LEPR: variants seen among roughly 807,000 people sequenced by gnomAD.
The protein encoded by LEPR is OB receptor.
In LEPR, 56 loss-of-function variants were observed where a neutral mutation model predicts 114.7. The observed-to-expected ratio is 0.49, with a 90% CI of 0.39 to 0.61. The LOEUF is 0.61. Ranked by LOEUF, LEPR falls within the 20% of genes least tolerant of loss-of-function variation. LEPR has a pLI of 0.00. For missense variants in LEPR, 1,202 were observed against 1,352.9 expected (o/e 0.89, Z 1.75); for synonymous variants, 443 against 461.4 (o/e 0.96, Z 0.51).
chr1:65,552,458 A>T (rs1224317661), intron 2 of LEPR, among the ~76,000 whole-genome samples: 1 of 152,052 alleles, frequency 6.6e-6, no homozygotes, highest in Admixed American at 6.6e-5. Flanking sequence ...CCATTATGTC[A>T]TGCTCTTTTT....
intron 16 of LEPR, among the ~76,000 whole-genome samples, chr1:65,618,347 G>A (rs991644401): frequency 1.5e-5 from 2 of 134,722 alleles, no homozygotes; most frequent in Non-Finnish European, 3.2e-5. Flanking sequence ...TTTCTTTTCG[G>A]CAGGGTCTCT....
At chr1:65,623,134 G>A (rs1657985532) in intron 19 of LEPR, 153 bp downstream of exon 19, 2 of 759,980 alleles carry the variant, frequency 2.6e-6, no homozygotes, top group African/African-American at 3.5e-5. Context: ...TTCAAGAATA[G>A]CAGGATGCAG....
At chr1:65,475,503 G>C (rs1025561723) in intron 2 of LEPR, among the ~76,000 whole-genome samples, 4 of 152,126 alleles carry the variant, frequency 2.6e-5, no homozygotes, top group Admixed American at 6.6e-5. Context: ...TCCCTTCCAC[G>C]TAGAACCCTG....
At chr1:65,475,532 C>T (rs1302719905) in intron 2 of LEPR, among the ~76,000 whole-genome samples, 1 of 152,166 alleles carries the variant, frequency 6.6e-6, no homozygotes, top group Non-Finnish European at 1.5e-5. Context: ...TGGTCCCTGA[C>T]CTTTTCAAGA....
chr1:65,569,912 T>A (rs1422765661), intron 3 of LEPR, among the ~76,000 whole-genome samples: 2 of 151,724 alleles, frequency 1.3e-5, no homozygotes, highest in African/African-American at 4.8e-5. Context: ...ATGTTTTGTA[T>A]TTGGAGGATC....
chr1:65,622,401 C>A (rs10889570), intron 18 of LEPR, among the ~76,000 whole-genome samples: 1 of 151,850 alleles, frequency 6.6e-6, no homozygotes, highest in Admixed American at 6.6e-5. Context: ...CAGGCAAATG[C>A]CTGAGTTCCG....
At chr1:65,613,567 C>G (rs1205693750) in intron 14 of LEPR, among the ~76,000 whole-genome samples, 2 of 103,952 alleles carry the variant, frequency 1.9e-5, no homozygotes, top group African/African-American at 6.5e-5. Context: ...TCCTGGCTAA[C>G]AAGGTGAAAC....
chr1:65,466,617 G>A (rs553409282), intron 2 of LEPR, among the ~76,000 whole-genome samples: 1 of 152,294 alleles, frequency 6.6e-6, no homozygotes, highest in Admixed American at 6.5e-5. Context: ...ATCCTGAAGA[G>A]TGTTTTCCAA....
intron 2 of LEPR, among the ~76,000 whole-genome samples, chr1:65,532,584 A>G (rs1424404082): frequency 1.3e-5 from 2 of 152,174 alleles, no homozygotes; most frequent in African/African-American, 4.8e-5. Flanking sequence ...AACTGCCCAA[A>G]TGTCCATACA....
At chr1:65,486,202 G>GAT (rs1647477362) in intron 2 of LEPR, among the ~76,000 whole-genome samples, 1 of 152,072 alleles carries the variant, frequency 6.6e-6, no homozygotes, top group African/African-American at 2.4e-5. Context: ...GAACAGAATA[G>GAT]ATATATATTT....
At chr1:65,467,580 G>A (rs7520742) in intron 2 of LEPR, among the ~76,000 whole-genome samples, 44,533 of 152,110 alleles carry the variant, frequency 0.29, 8,354 homozygotes, top group Non-Finnish European at 0.41. Context: ...CTGTCAGATA[G>A]GGACGTTTAA....
At chr1:65,533,891 G>A (rs530135785) in intron 2 of LEPR, among the ~76,000 whole-genome samples, 9 of 152,044 alleles carry the variant, frequency 5.9e-5, no homozygotes, top group African/African-American at 2.2e-4. Context: ...CTTTTGTTCC[G>A]TATGTGCATG....
intron 14 of LEPR, among the ~76,000 whole-genome samples, chr1:65,613,040 A>G (rs1463207792): frequency 2.0e-5 from 3 of 152,170 alleles, no homozygotes; most frequent in Non-Finnish European, 4.4e-5. Context: ...CACCTACTTG[A>G]AGGTAGAGGA....
chr1:65,598,299 C>T (rs1656215528), intron 7 of LEPR, among the ~76,000 whole-genome samples: 1 of 151,820 alleles, frequency 6.6e-6, no homozygotes, highest in African/African-American at 2.4e-5. Flanking sequence ...TTTGTCTACC[C>T]CTGCACAGCA....
At chr1:65,596,235 G>A (rs1656053463) in intron 6 of LEPR, among the ~76,000 whole-genome samples, 1 of 151,990 alleles carries the variant, frequency 6.6e-6, no homozygotes, top group African/African-American at 2.4e-5. Flanking sequence ...TAAGGGGAGG[G>A]TAATGAATAT....
At chr1:65,538,937 C>T (rs1468611993) in intron 2 of LEPR, among the ~76,000 whole-genome samples, 1 of 151,178 alleles carries the variant, frequency 6.6e-6, no homozygotes, top group Non-Finnish European at 1.5e-5. Flanking sequence ...GGGAAATTTT[C>T]TTGTATTTTT....
At chr1:65,545,339 G>A (rs1041584532) in intron 2 of LEPR, among the ~76,000 whole-genome samples, 2 of 152,114 alleles carry the variant, frequency 1.3e-5, no homozygotes, top group African/African-American at 4.8e-5. Flanking sequence ...GGATGGCGGG[G>A]TCAAATGGTA....
rs1454426558 is a variant in LEPR, at chr1:65,633,797, A to G, written c.2674-2394A>G. 29 of 985,496 alleles carry G rather than the reference A, an allele frequency of 2.9e-5. No homozygotes were observed. The highest frequency in any genetic ancestry group is 3.5e-5 in the Non-Finnish European group (29 of 830,158). The allele number at this position is 985,496 out of a possible 1,614,324, so 61.0% of individuals were successfully genotyped here. A position where few individuals can be genotyped will look rare whatever the true frequency, so the allele number is the denominator to read the frequency against. The stretch of plus-strand genomic sequence containing the variant: ...TTTTCAATATCCTTGAAAATGGCTT[A>G]AGTGATAACTTCCGTTTCAGTTAAA... On this transcript the variant is annotated intron_variant, in intron 19 of 19. Coordinates refer to ENST00000349533, the MANE Select transcript of LEPR (RefSeq NM_002303.6). This position sits in a 1 kb window ranked among gnomAD's most constrained non-coding sequence, Gnocchi z 4.1.
chr1:65,589,089 T>C lies in LEPR; in HGVS notation c.495-3568T>C, dbSNP rs1655515705. On this transcript the variant is annotated intron_variant, in intron 5 of 19. Coordinates refer to ENST00000349533, the MANE Select transcript of LEPR (RefSeq NM_002303.6). ...TCACCAATACTTGGTGTAGTCAGTCTTTTTTTAAAATTTTAACCATTCTAG... is the reference window on the plus strand; with the variant it reads ...TCACCAATACTTGGTGTAGTCAGTCCTTTTTTAAAATTTTAACCATTCTAG... Among the ~76,000 whole-genome samples, 3 of 152,152 alleles carry C rather than the reference T, an allele frequency of 2.0e-5. No homozygotes were observed. In the South Asian group the frequency reaches 6.2e-4, roughly 32 times the overall value.
Sources: gnomAD v4.1 joint callset for allele counts (sites outside exome capture counted in the v4.1 genomes callset) on GRCh38, gnomAD v4.1.1 for gene constraint, Gnocchi (gnomAD v3.1) non-coding constraint, MANE v1.5 for transcripts, NCBI Gene and HGNC (gene_info 2026-07-23, HGNC 2026-07-21) for gene names.